Variants in ATP8A2 observed in about 807,000 individuals in gnomAD.
ATP8A2 encodes phospholipid-transporting ATPase IB.
ATP8A2 carries 100 observed loss-of-function variants against 165.6 expected under a neutral mutation model. The observed-to-expected ratio is 0.60, with a 90% CI of 0.51 to 0.71. The LOEUF (loss-of-function observed/expected upper bound fraction) is 0.71, where lower values mean the gene tolerates loss of function less well. Ranked by LOEUF, ATP8A2 falls within the 30% of genes least tolerant of loss-of-function variation. The probability of loss-of-function intolerance (pLI) is 0.00; values close to 1 mark genes in which losing one functional copy is unlikely to be tolerated. For synonymous variants in ATP8A2, 543 were observed against 548.8 expected (o/e 0.99, Z 0.15); for missense variants, 1,227 against 1,479.5 (o/e 0.83, Z 2.80).
intron 25 of ATP8A2, among the ~76,000 whole-genome samples, chr13:25,719,208 CACA>C (rs2043319562): frequency 6.6e-6 from 1 of 152,160 alleles, no homozygotes; most frequent in South Asian, 2.1e-4. Flanking sequence ...AAAGCAGTTC[CACA>C]ACATTACAGC....
At chr13:25,940,441 C>T (rs1395691220) in intron 33 of ATP8A2, among the ~76,000 whole-genome samples, 1 of 152,180 alleles carries the variant, frequency 6.6e-6, no homozygotes, top group African/African-American at 2.4e-5. Context: ...AAGACCTTCT[C>T]CCTCCTGCCC....
intron 24 of ATP8A2, among the ~76,000 whole-genome samples, chr13:25,698,503 G>A (rs1331125389): frequency 6.6e-6 from 1 of 151,822 alleles, no homozygotes; most frequent in Non-Finnish European, 1.5e-5. Flanking sequence ...TAAAGTGCTG[G>A]GATTACAGGC....
chr13:25,443,031 C>A (rs948504941), intron 1 of ATP8A2, among the ~76,000 whole-genome samples: 2 of 152,162 alleles, frequency 1.3e-5, no homozygotes, highest in Non-Finnish European at 2.9e-5. Flanking sequence ...AATAGTTGCA[C>A]AATTTTTTGA....
At chr13:25,972,527 A>G (rs1955938944) in intron 35 of ATP8A2, among the ~76,000 whole-genome samples, 1 of 152,190 alleles carries the variant, frequency 6.6e-6, no homozygotes, top group Non-Finnish European at 1.5e-5. Context: ...TGTGCGCCTT[A>G]TAGACACTGG....
chr13:25,689,718 T>TAG (rs1003387914), intron 24 of ATP8A2, among the ~76,000 whole-genome samples: 1 of 152,160 alleles, frequency 6.6e-6, no homozygotes, highest in African/African-American at 2.4e-5. Context: ...ACACAGTGAC[T>TAG]TCTAGAGATC....
At chr13:25,988,941 G>T (rs777763322) in intron 35 of ATP8A2, among the ~76,000 whole-genome samples, 14 of 152,204 alleles carry the variant, frequency 9.2e-5, no homozygotes, top group Non-Finnish European at 1.3e-4. Flanking sequence ...ACAGCATGAA[G>T]CAGGCACCTG....
chr13:25,545,816 G>A (rs905549768), intron 10 of ATP8A2, among the ~76,000 whole-genome samples: 10 of 152,182 alleles, frequency 6.6e-5, no homozygotes, highest in African/African-American at 2.4e-4. Context: ...TGTATTTTTT[G>A]TAGAGACGGG....
rs78878639 is a variant in ATP8A2, at chr13:25,397,025, G to C, written c.76+24737G>C. Reference sequence around the variant, plus strand: ...TGGAGTCTTGTCTTTGACACCAAAGGCGTGCCCCTTGGTGGGGGTGGGGGT... The same window carrying C: ...TGGAGTCTTGTCTTTGACACCAAAGCCGTGCCCCTTGGTGGGGGTGGGGGT... On this transcript the variant is annotated intron_variant, in intron 1 of 36. Coordinates refer to ENST00000381655, the MANE Select transcript of ATP8A2 (RefSeq NM_016529.6). 4.1e-4 allele frequency among the ~76,000 whole-genome samples: 62 copies of C among 152,318 alleles called. 1 individual carries two copies. In the East Asian group the frequency reaches 0.01, roughly 25 times the overall value.
At chr13:25,523,851 C>G (rs923848031) in intron 2 of ATP8A2, among the ~76,000 whole-genome samples, 2 of 151,880 alleles carry the variant, frequency 1.3e-5, no homozygotes, top group African/African-American at 2.4e-5. Context: ...TTTTTAGTCT[C>G]AATTTTATTT....
intron 4 of ATP8A2, among the ~76,000 whole-genome samples, chr13:25,531,388 A>ATATATATGTTATATATATGAT: frequency 1.4e-5 from 1 of 71,076 alleles, no homozygotes; most frequent in Middle Eastern, 8.9e-3. Flanking sequence ...TATATATGAT[A>ATATATATGTTATATATATGAT]TATATATGAT....
chr13:25,411,924 C>A (rs563244814), intron 1 of ATP8A2, among the ~76,000 whole-genome samples: 2 of 152,282 alleles, frequency 1.3e-5, no homozygotes, highest in East Asian at 3.9e-4. Context: ...TCTTCCTGCC[C>A]AAACTCTTCT....
At chr13:25,803,849 A>G (rs1313583756) in intron 27 of ATP8A2, among the ~76,000 whole-genome samples, 1 of 152,262 alleles carries the variant, frequency 6.6e-6, no homozygotes, top group Non-Finnish European at 1.5e-5. Flanking sequence ...CTGAAGAGGC[A>G]TCTGAGAACT....
chr13:25,888,280 G>A (rs1294958878), intron 33 of ATP8A2, among the ~76,000 whole-genome samples: 1 of 152,124 alleles, frequency 6.6e-6, no homozygotes, highest in Non-Finnish European at 1.5e-5. Context: ...TTTTAGGTTA[G>A]GACCCAAACA....
chr13:25,848,248 T>C (rs954835897), intron 30 of ATP8A2, among the ~76,000 whole-genome samples: 1 of 152,264 alleles, frequency 6.6e-6, no homozygotes, highest in Non-Finnish European at 1.5e-5. Context: ...CTGCTTCATT[T>C]CAACACAGTG....
At chr13:25,703,016 T>A (rs1395982808) in intron 25 of ATP8A2, among the ~76,000 whole-genome samples, 2 of 152,164 alleles carry the variant, frequency 1.3e-5, no homozygotes, top group Non-Finnish European at 2.9e-5. Flanking sequence ...ATTCATCTTA[T>A]ACATTAGTGA....
chr13:25,456,007 TGGGGTG>T (rs2035355232), intron 1 of ATP8A2, among the ~76,000 whole-genome samples: 1 of 152,124 alleles, frequency 6.6e-6, no homozygotes, highest in African/African-American at 2.4e-5. Context: ...TATCTGGCTA[TGGGGTG>T]GAGGAGAGCA....
intron 27 of ATP8A2, among the ~76,000 whole-genome samples, chr13:25,817,370 A>T (rs2138549458): frequency 6.9e-6 from 1 of 144,266 alleles, no homozygotes; most frequent in African/African-American, 2.6e-5. Flanking sequence ...GGGAAACACG[A>T]TTTTGTGTTT....
chr13:25,987,851 A>G (rs371584893), intron 35 of ATP8A2, among the ~76,000 whole-genome samples: 103 of 152,336 alleles, frequency 6.8e-4, no homozygotes, highest in African/African-American at 2.3e-3. Context: ...TGTTCCACAA[A>G]GAACTTTTTC....
chr13:25,490,416 G>A (rs975790346), intron 2 of ATP8A2, among the ~76,000 whole-genome samples: 11 of 152,320 alleles, frequency 7.2e-5, no homozygotes, highest in Middle Eastern at 3.4e-3. Context: ...CTGTCCTCCA[G>A]GAGCCTCAGA....
Sources: gnomAD v4.1 joint callset for allele counts (sites outside exome capture counted in the v4.1 genomes callset) on GRCh38, gnomAD v4.1.1 for gene constraint, MANE v1.5 for transcripts, NCBI Gene and HGNC (gene_info 2026-07-23, HGNC 2026-07-21) for gene names.